AP2B1: variants seen among roughly 807,000 people sequenced by gnomAD.
AP2B1 encodes AP-2 complex subunit beta.
In AP2B1, 23 loss-of-function variants were observed where a neutral mutation model predicts 102.0. The ratio of observed to expected loss-of-function variants is 0.23; its 90% CI spans 0.16 to 0.32. The LOEUF (loss-of-function observed/expected upper bound fraction) is 0.32, where lower values mean the gene tolerates loss of function less well. AP2B1 is among the 10% of genes least tolerant of loss of function. AP2B1 has a pLI of 1.00. For missense variants in AP2B1, 541 were observed against 1,157.4 expected (o/e 0.47, Z 7.73); for synonymous variants, 381 against 421.2 (o/e 0.90, Z 1.17).
intron 3 of AP2B1, among the ~76,000 whole-genome samples, chr17:35,599,421 ATCATAAGCT>A (rs2073402881): frequency 6.6e-6 from 1 of 152,260 alleles, no homozygotes; most frequent in African/African-American, 2.4e-5. Flanking sequence ...TGTATCTCCC[ATCATAAGCT>A]TGACAGCTTC....
At chr17:35,667,641 C>G (rs1228116464) in intron 14 of AP2B1, among the ~76,000 whole-genome samples, 1 of 152,166 alleles carries the variant, frequency 6.6e-6, no homozygotes, top group Non-Finnish European at 1.5e-5. Flanking sequence ...GCTTTCTTTC[C>G]TTTGGTCTAA....
chr17:35,720,573 ATTTTTTTTTT>A (rs1208973388), intron 21 of AP2B1, among the ~76,000 whole-genome samples: 36 of 28,042 alleles, frequency 1.3e-3, no homozygotes, highest in Middle Eastern at 0.033. Flanking sequence ...ATATATATAT[ATTTTTTTTTT>A]TTTTTTTTTT....
intron 2 of AP2B1, among the ~76,000 whole-genome samples, chr17:35,596,523 T>C (rs1049700417): frequency 4.6e-5 from 7 of 151,386 alleles, no homozygotes; most frequent in Admixed American, 3.9e-4. Flanking sequence ...TTCTTTCTTT[T>C]TTTTTTTTTT....
Position 35,725,541 on chromosome 17 carries a change from T to C in AP2B1, c.*1842T>C, listed in dbSNP as rs1008996544. The C allele has an allele frequency of 6.6e-6, 1 of 152,140 alleles. No individual in the cohort carries two copies. The highest frequency in any genetic ancestry group is 2.4e-5 in the African/African-American group (1 of 41,382). 9.4% of individuals were successfully genotyped at this position (152,140 alleles called of 1,614,324 possible). On this transcript the variant is annotated 3_prime_UTR_variant, in exon 22 of 22. Coordinates refer to ENST00000610402, the MANE Select transcript of AP2B1 (RefSeq NM_001030006.2). The stretch of plus-strand genomic sequence containing the variant: ...TTGAGAATCTCCAAGAGAAAAATAT[T>C]TGGGGAAGGAGGGAGGAAATATGTC...
rs78154697 is a variant in AP2B1, at chr17:35,701,880, C to G, written c.2455-7344C>G. On this transcript the variant is annotated intron_variant, in intron 18 of 21. Coordinates refer to ENST00000610402, the MANE Select transcript of AP2B1 (RefSeq NM_001030006.2). ...TGATCCTCCTTCCGCCTTTGGTCTC[C>G]CATAGTGCTGGGATTACAGGAGTGA... Among the ~76,000 whole-genome samples the G allele has an allele frequency of 2.0e-5, 3 of 152,122 alleles. No homozygotes were observed. The East Asian group carries it at 5.8e-4, about 29-fold the overall frequency.
chr17:35,670,486 AAAAAT>A (rs1237493851), intron 14 of AP2B1, among the ~76,000 whole-genome samples: 1 of 152,164 alleles, frequency 6.6e-6, no homozygotes, highest in Non-Finnish European at 1.5e-5. Context: ...CTTTTAAAGA[AAAAAT>A]AAAGCATATT....
intron 5 of AP2B1, among the ~76,000 whole-genome samples, chr17:35,619,031 A>G (rs1268522070): frequency 6.6e-6 from 1 of 152,164 alleles, no homozygotes; most frequent in African/African-American, 2.4e-5. Flanking sequence ...CCTTGGTTGA[A>G]GTTCACAAGT....
At position 35,624,516 on chromosome 17, in the gene AP2B1, T is replaced by C. The variant is rs1353787601; in HGVS notation, c.645T>C (p.Thr215=). The C allele has an allele frequency of 1.9e-6, 3 of 1,614,078 alleles. No homozygotes were observed. The highest frequency in any genetic ancestry group is 2.7e-5 in the African/African-American group (2 of 74,934). Residue 215 remains threonine (T), a synonymous_variant, in exon 6 of 22, where the codon ACT becomes ACC. Coordinates refer to ENST00000610402, the MANE Select transcript of AP2B1 (RefSeq NM_001030006.2). ...TGCTGACAGCCCTGAATGAATGCAC[T>C]GAATGGGGCCAGATTTTCATCCTGG... The part of the protein sequence containing the change: ...NKLLTALNEC[T]EWGQIFILDC...
chr17:35,589,732 C>G (rs371826680), intron 1 of AP2B1, among the ~76,000 whole-genome samples: 1 of 152,114 alleles, frequency 6.6e-6, no homozygotes, highest in Non-Finnish European at 1.5e-5. Flanking sequence ...TCAGAACAGC[C>G]GTTACTTGTC....
intron 12 of AP2B1, among the ~76,000 whole-genome samples, chr17:35,646,874 G>A (rs1176806337): frequency 4.6e-5 from 7 of 151,986 alleles, no homozygotes; most frequent in Non-Finnish European, 7.4e-5. Context: ...CTGAGCCACC[G>A]TGCCTGGCTG....
At chr17:35,616,362 G>A (rs2074020453) in intron 5 of AP2B1, among the ~76,000 whole-genome samples, 1 of 151,364 alleles carries the variant, frequency 6.6e-6, no homozygotes, top group African/African-American at 2.4e-5. Context: ...GAGACGGGGG[G>A]TTTCACCGTG....
At chr17:35,605,012 C>T (rs187878176) in intron 3 of AP2B1, among the ~76,000 whole-genome samples, 5 of 152,212 alleles carry the variant, frequency 3.3e-5, no homozygotes, top group Admixed American at 3.3e-4. Context: ...CAGTCTCGAC[C>T]TCCTGCTTCA....
chr17:35,643,520 G>A (rs2074844014), intron 12 of AP2B1, among the ~76,000 whole-genome samples: 1 of 152,126 alleles, frequency 6.6e-6, no homozygotes, highest in Admixed American at 6.5e-5. Context: ...TTCAAACTCA[G>A]TCTCATTACC....
intron 14 of AP2B1, among the ~76,000 whole-genome samples, chr17:35,660,984 G>A (rs1298968207): frequency 3.3e-5 from 5 of 152,190 alleles, no homozygotes; most frequent in Non-Finnish European, 7.3e-5. Flanking sequence ...TTAGAATTGT[G>A]TGGTGGTTTG....
At chr17:35,596,210 T>C (rs2073266519) in intron 2 of AP2B1, among the ~76,000 whole-genome samples, 1 of 152,194 alleles carries the variant, frequency 6.6e-6, no homozygotes, top group Non-Finnish European at 1.5e-5. Context: ...CAATTCAGAC[T>C]TTCTGAAACC....
At chr17:35,618,303 C>T (rs1384683614) in intron 5 of AP2B1, among the ~76,000 whole-genome samples, 1 of 152,204 alleles carries the variant, frequency 6.6e-6, no homozygotes, top group Admixed American at 6.5e-5. Flanking sequence ...AATATTCTAA[C>T]ACTGCTAATT....
At chr17:35,719,527 C>T (rs1246638496) in intron 21 of AP2B1, among the ~76,000 whole-genome samples, 1 of 152,224 alleles carries the variant, frequency 6.6e-6, no homozygotes, top group Non-Finnish European at 1.5e-5. Context: ...ACATAATACT[C>T]ATAACATTCT....
At chr17:35,714,324 A>G (rs1198294248) in intron 20 of AP2B1, among the ~76,000 whole-genome samples, 1 of 152,210 alleles carries the variant, frequency 6.6e-6, no homozygotes, top group Non-Finnish European at 1.5e-5. Flanking sequence ...CAGCAGTCAT[A>G]GTGGTTTTGA....
At chr17:35,636,192 T>G in intron 9 of AP2B1, 149 bp from the exon 10 acceptor site, 1 of 560,200 alleles carries the variant, frequency 1.8e-6, no homozygotes. Flanking sequence ...TAGCTTGGTA[T>G]CTAGCCTGTA....
Sources: allele counts gnomAD v4.1 joint callset (sites outside exome capture counted in the v4.1 genomes callset), GRCh38; gene constraint gnomAD v4.1.1; transcripts MANE v1.5; gene names NCBI Gene and HGNC (gene_info 2026-07-23, HGNC 2026-07-21).